The following NF1 variants were observed in gnomAD, a reference collection of about 807,000 sequenced individuals.
The protein encoded by NF1 is neurofibromin.
Under a neutral mutation model 325.7 loss-of-function variants are expected in NF1, and 122 were observed. That is an observed-to-expected ratio of 0.37 (90% CI 0.32 to 0.44). The LOEUF (loss-of-function observed/expected upper bound fraction) is 0.44. Ranked by LOEUF, NF1 falls within the 20% of genes least tolerant of loss-of-function variation. The pLI is 1.00. For synonymous variants in NF1, 1,091 were observed against 1,186.0 expected (o/e 0.92, Z 1.65); for missense variants, 2,140 against 3,415.4 (o/e 0.63, Z 9.31).
intron 4 of NF1, among the ~76,000 whole-genome samples, chr17:31,168,869 G>T (rs1378205481): frequency 1.3e-5 from 2 of 152,052 alleles, no homozygotes; most frequent in Non-Finnish European, 2.9e-5. Flanking sequence ...AAAATGAAAC[G>T]TTTTCTATTC....
intron 36 of NF1, among the ~76,000 whole-genome samples, chr17:31,299,951 T>C (rs557509160): frequency 6.6e-6 from 1 of 152,206 alleles, no homozygotes; most frequent in African/African-American, 2.4e-5. Flanking sequence ...CCTCATATCA[T>C]TGACATAATT....
At chr17:31,109,957 G>A (rs1162069703) in intron 1 of NF1, among the ~76,000 whole-genome samples, 1 of 152,112 alleles carries the variant, frequency 6.6e-6, no homozygotes, top group Non-Finnish European at 1.5e-5. Flanking sequence ...TGAGCTGTGG[G>A]GGAGGGGAGA....
intron 48 of NF1, among the ~76,000 whole-genome samples, chr17:31,343,447 AG>A (rs1319111329): frequency 6.6e-6 from 1 of 152,152 alleles, no homozygotes; most frequent in African/African-American, 2.4e-5. Context: ...TAGGAGGCAT[AG>A]ATGGAAGGAT....
intron 8 of NF1, among the ~76,000 whole-genome samples, chr17:31,187,116 C>G (rs759222028): frequency 6.6e-6 from 1 of 152,198 alleles, no homozygotes; most frequent in Non-Finnish European, 1.5e-5. Context: ...CATGGTATTC[C>G]ACACAGCATT....
chr17:31,374,053 C>T lies in NF1; in HGVS notation c.8418C>T (p.Gly2806=), dbSNP rs1555538535. 2 of 1,614,096 alleles carry T rather than the reference C, an allele frequency of 1.2e-6. No individual in the cohort carries two copies. The highest frequency in any genetic ancestry group is 1.7e-6 in the Non-Finnish European group (2 of 1,179,960). Residue 2806 remains glycine, a synonymous_variant, in exon 58 of 58, where the codon GGC becomes GGT. Coordinates refer to ENST00000358273, the MANE Select transcript of NF1 (RefSeq NM_001042492.3). ...ACGTTGAACTCTCCCCTACCACTGG[C>T]CACTGTAACAGTGGACGAACTCGCC... ...KENVELSPTT[G]HCNSGRTRHG...
At chr17:31,139,375 G>GACACACACACAC (rs58863782) in intron 1 of NF1, among the ~76,000 whole-genome samples, 22 of 144,172 alleles carry the variant, frequency 1.5e-4, no homozygotes, top group African/African-American at 4.3e-4. Context: ...GTTTTACACA[G>GACACACACACAC]ACACACACAC....
At chr17:31,210,348 C>T (rs763690995) in intron 12 of NF1, among the ~76,000 whole-genome samples, 5 of 152,096 alleles carry the variant, frequency 3.3e-5, no homozygotes, top group Admixed American at 6.5e-5. Flanking sequence ...TTAGGGAGGC[C>T]GGGGCGGGCA....
intron 36 of NF1, 85 bp downstream of exon 36, chr17:31,265,424 A>G: frequency 1.0e-6 from 1 of 966,784 alleles, no homozygotes; most frequent in South Asian, 1.3e-5. Context: ...GGTTTTTCCC[A>G]GTTGACTTAA....
At chr17:31,325,127 A>G (rs2069309153) in intron 36 of NF1, among the ~76,000 whole-genome samples, 1 of 152,172 alleles carries the variant, frequency 6.6e-6, no homozygotes, top group African/African-American at 2.4e-5. Flanking sequence ...TTATTGGCTT[A>G]TGTAACTGAG....
intron 36 of NF1, chr17:31,320,246 A>ACC: frequency 1.5e-6 from 1 of 683,006 alleles, no homozygotes; most frequent in Non-Finnish European, 2.2e-6. Flanking sequence ...GCAAAACTAT[A>ACC]TTGTTCTCCT....
At chr17:31,234,896 A>G (rs762030157) in intron 27 of NF1, among the ~76,000 whole-genome samples, 2 of 152,104 alleles carry the variant, frequency 1.3e-5, no homozygotes, top group East Asian at 3.9e-4. Flanking sequence ...GGCTACCCCT[A>G]TTATCTATAA....
chr17:31,292,481 G>A (rs770768386), intron 36 of NF1, among the ~76,000 whole-genome samples: 5 of 151,926 alleles, frequency 3.3e-5, no homozygotes, highest in African/African-American at 1.2e-4. Flanking sequence ...CAAAATTTGC[G>A]CATATTCAAA....
At chr17:31,340,743 A>G in intron 47 of NF1, 98 bp downstream of exon 47, 1 of 1,262,438 alleles carries the variant, frequency 7.9e-7, no homozygotes, top group Admixed American at 1.9e-5. Context: ...GAAGTCCATA[A>G]CTTAAGTAGG....
rs2151430808 is a variant in NF1, at chr17:31,229,958, A to T, written c.2974A>T (p.Met992Leu). Residue 992 changes from methionine to leucine, a missense_variant, in exon 22 of 58, where the codon ATG becomes TTG. Coordinates refer to ENST00000358273, the MANE Select transcript of NF1 (RefSeq NM_001042492.3). ...HLGQASIETM[M>L]LNLVRYVRVL... Reference sequence around the variant, plus strand: ...AGGGCAAGCTAGCATTGAAACAATGATGTTAAATCTGGTCAGGTAAGCATT... The same window carrying T: ...AGGGCAAGCTAGCATTGAAACAATGTTGTTAAATCTGGTCAGGTAAGCATT... The T allele has an allele frequency of 6.2e-7, 1 of 1,611,792 alleles. No individual in the cohort carries two copies. Among genetic ancestry groups the T allele is most frequent in the Non-Finnish European group, 8.5e-7 (1 of 1,179,716 alleles).
At chr17:31,179,584 C>T (rs898386713) in intron 5 of NF1, among the ~76,000 whole-genome samples, 5 of 151,978 alleles carry the variant, frequency 3.3e-5, no homozygotes, top group South Asian at 4.2e-4. Flanking sequence ...CCTCGTGATC[C>T]GCCGCCTTGG....
intron 36 of NF1, chr17:31,304,149 G>T: frequency 9.2e-7 from 1 of 1,089,878 alleles, no homozygotes; most frequent in Non-Finnish European, 1.3e-6. Flanking sequence ...ATTTCAGATA[G>T]TTCCTGAATA....
chr17:31,243,533 T>A (rs751042872), intron 29 of NF1, among the ~76,000 whole-genome samples: 1 of 151,908 alleles, frequency 6.6e-6, no homozygotes, highest in Non-Finnish European at 1.5e-5. Context: ...TAAGACAAAG[T>A]CCTTCCCGCT....
chr17:31,374,021 AAGG>A lies in NF1; in HGVS notation c.8389_8391del (p.Glu2797del), dbSNP rs1555538511. 1 of 1,614,064 alleles carries A rather than the reference AAGG, an allele frequency of 6.2e-7. No individual in the cohort carries two copies. The highest frequency in any genetic ancestry group is 8.5e-7 in the Non-Finnish European group (1 of 1,179,946). ...GTTCTCTTTTTCTCCAGGAATCGAC[AAGG>A]AGAACGTTGAACTCTCCCCTACCAC... On this transcript the variant is annotated inframe_deletion, in exon 58 of 58. Coordinates refer to ENST00000358273, the MANE Select transcript of NF1 (RefSeq NM_001042492.3).
chr17:31,327,357 AC>A, intron 37 of NF1, 141 bp from the exon 38 acceptor site: 1 of 676,078 alleles, frequency 1.5e-6, no homozygotes, highest in South Asian at 1.6e-5. Context: ...TAATTACTGA[AC>A]CATTTGAATA....
Sources: allele counts gnomAD v4.1 joint callset (sites outside exome capture counted in the v4.1 genomes callset), GRCh38; gene constraint gnomAD v4.1.1; transcripts MANE v1.5; gene names NCBI Gene and HGNC (gene_info 2026-07-23, HGNC 2026-07-21).